Variants in ACOT8 observed in about 807,000 individuals in gnomAD.
ACOT8 encodes the protein acyl-coenzyme A thioesterase 8.
A neutral mutation model predicts 38.4 loss-of-function variants in ACOT8; 31 were observed. That is an observed-to-expected ratio of 0.81 (90% CI 0.61 to 1.09). ACOT8 has a LOEUF of 1.09. ACOT8 is among the 50% of genes least tolerant of loss of function. The probability of loss-of-function intolerance (pLI) is 0.00; values close to 1 mark genes in which losing one functional copy is unlikely to be tolerated. For synonymous variants in ACOT8, 158 were observed against 170.3 expected (o/e 0.93, Z 0.56); for missense variants, 373 against 421.8 (o/e 0.88, Z 1.01).
At chr20:45,846,228 A>G (rs907031795) in intron 3 of ACOT8, among the ~76,000 whole-genome samples, 3 of 152,200 alleles carry the variant, frequency 2.0e-5, no homozygotes, top group Non-Finnish European at 2.9e-5. Context: ...GTCCTTTAAC[A>G]ATGTCTTCCT....
In ACOT8 at chr20:45,857,335, C is replaced by A; in HGVS notation, c.-20G>T. On this transcript the variant is annotated 5_prime_UTR_variant, in exon 1 of 6. Coordinates refer to ENST00000217455, the MANE Select transcript of ACOT8 (RefSeq NM_005469.4). ...CGACATCTAGTTCAATGCTGCAGGC[C>A]CTGCACACCCGCTCCGCGGAAGACG... 1 of 1,583,332 alleles carries A rather than the reference C, an allele frequency of 6.3e-7. No homozygotes were observed. Among genetic ancestry groups the A allele is most frequent in the Non-Finnish European group, 8.6e-7 (1 of 1,165,994 alleles).
intron 2 of ACOT8, chr20:45,853,769 G>A: frequency 2.4e-6 from 1 of 421,444 alleles, no homozygotes; most frequent in South Asian, 2.1e-5. Context: ...GTGACTGGGG[G>A]CCGAGAAGAG....
Position 45,844,358 on chromosome 20 carries a change from G to A in ACOT8, c.551C>T (p.Pro184Leu), listed in dbSNP as rs757329365. 1.9e-6 allele frequency: 3 copies of A among 1,614,120 alleles called. No homozygotes were observed. In the Admixed American group the frequency reaches 5.0e-5, roughly 27 times the overall value. ...TGGGTTTACTGGCTTGATCTCAATG[G>A]GGACCTCCTGAGCAGCAATTCGGTT... ...ALNRIAAQEV[P>L]IEIKPVNPSP... Residue 184 changes from proline (P) to leucine (L), a missense_variant, in exon 4 of 6, where the codon CCC becomes CTC. Coordinates refer to ENST00000217455, the MANE Select transcript of ACOT8 (RefSeq NM_005469.4).
At chr20:45,851,692 T>A (rs1985075132) in intron 2 of ACOT8, among the ~76,000 whole-genome samples, 1 of 152,198 alleles carries the variant, frequency 6.6e-6, no homozygotes, top group South Asian at 2.1e-4. Context: ...TAAAATACAA[T>A]TTTTTTGTAA....
At chr20:45,842,575 C>T in intron 5 of ACOT8, 1 of 994,968 alleles carries the variant, frequency 1.0e-6, no homozygotes, top group Non-Finnish European at 1.2e-6. Flanking sequence ...CATCTGGAGA[C>T]TCTTTCTCCC....
intron 3 of ACOT8, chr20:45,847,638 G>A (rs1984768331): frequency 6.7e-6 from 1 of 150,298 alleles, no homozygotes; most frequent in Admixed American, 6.6e-5. Flanking sequence ...GCTGAGGCGG[G>A]AGGATCACTT....
intron 4 of ACOT8, 68 bp downstream of exon 4, chr20:45,844,195 G>A (rs772433217): frequency 6.2e-7 from 1 of 1,601,402 alleles, no homozygotes; most frequent in Non-Finnish European, 8.6e-7. Flanking sequence ...ATGTGCCCAA[G>A]GCCACACAGC....
chr20:45,843,545 A>G lies in ACOT8; in HGVS notation c.823T>C (p.Cys275Arg). ...FRADHWMLYECESPWAGGSRG... is the reference protein window; with the variant it reads ...FRADHWMLYERESPWAGGSRG... ...CACTCACCGGCCCAGGGGCTCTCGC[A>G]TTCATAGAGCATCCAGTGGTCAGCT... The change falls in exon 5 of 6, where the codon TGC becomes CGC. Residue 275 changes from cysteine (C) to arginine (R), a missense_variant. Coordinates refer to ENST00000217455, the MANE Select transcript of ACOT8 (RefSeq NM_005469.4). 6.2e-7 allele frequency: 1 copy of G among 1,609,806 alleles called. No individual in the cohort carries two copies. Among genetic ancestry groups the G allele is most frequent in the Non-Finnish European group, 8.5e-7 (1 of 1,176,652 alleles).
intron 3 of ACOT8, among the ~76,000 whole-genome samples, chr20:45,844,773 A>G (rs556265949): frequency 2.0e-5 from 3 of 152,122 alleles, no homozygotes; most frequent in Non-Finnish European, 2.9e-5. Context: ...AGCATTGTAC[A>G]TACAATAGTA....
intron 3 of ACOT8, chr20:45,848,087 T>C (rs1013762209): frequency 6.3e-6 from 1 of 158,712 alleles, no homozygotes; most frequent in African/African-American, 2.4e-5. Context: ...GCCTTATTTT[T>C]AAATTAGAGA....
chr20:45,850,225 G>A (rs1984974302), intron 2 of ACOT8, among the ~76,000 whole-genome samples: 1 of 152,090 alleles, frequency 6.6e-6, no homozygotes, highest in Non-Finnish European at 1.5e-5. Flanking sequence ...TCCAGCCTGG[G>A]GAACAAGAGT....
chr20:45,857,321 T>G lies in ACOT8; in HGVS notation c.-6A>C. 1 of 1,598,258 alleles carries G rather than the reference T, an allele frequency of 6.3e-7. No homozygotes were observed. The highest frequency in any genetic ancestry group is 8.5e-7 in the Non-Finnish European group (1 of 1,173,204). ...GGGGCCTGCGGGGACGACATCTAGT[T>G]CAATGCTGCAGGCCCTGCACACCCG... On this transcript the variant is annotated 5_prime_UTR_variant, in exon 1 of 6. Coordinates refer to ENST00000217455, the MANE Select transcript of ACOT8 (RefSeq NM_005469.4).
chr20:45,848,645 A>G lies in ACOT8; in HGVS notation c.293T>C (p.Val98Ala). The G allele has an allele frequency of 6.2e-7, 1 of 1,613,060 alleles. No homozygotes were observed. Among genetic ancestry groups the G allele is most frequent in the Non-Finnish European group, 8.5e-7 (1 of 1,179,820 alleles). ...GCTCGACCCTGTTCGTGTCCGCTCC[A>G]CTTGGTACAGTACTGGCAGCTTCGG... ...GDPKLPVLYQ[V>A]ERTRTGSSFS... The change falls in exon 3 of 6, where the codon GTG (valine) becomes GCG (alanine). Residue 98 changes from valine (V) to alanine (A), a missense_variant. Transcript: ENST00000217455.
At chr20:45,856,430 A>T (rs968259635) in intron 1 of ACOT8, among the ~76,000 whole-genome samples, 1 of 152,202 alleles carries the variant, frequency 6.6e-6, no homozygotes, top group Admixed American at 6.5e-5. Flanking sequence ...TCATGCCTGT[A>T]ATCCTAGCAC....
In ACOT8 at chr20:45,849,625, A is replaced by AT. The variant is rs571610667; in HGVS notation, c.263-951dup. Among the ~76,000 whole-genome samples, 17 of 152,088 alleles carry AT rather than the reference A, an allele frequency of 1.1e-4. No homozygotes were observed. In the South Asian group the frequency reaches 3.5e-3, roughly 32 times the overall value. ...GCCGCTACACCCAACAAATTTTTGT[A>AT]TTTTTTGTAGAGATGGGGTTTCACT... is the stretch of plus-strand genomic sequence containing the variant. On this transcript the variant is annotated intron_variant, in intron 2 of 5. Coordinates refer to ENST00000217455, the MANE Select transcript of ACOT8 (RefSeq NM_005469.4).
In ACOT8 at chr20:45,855,188, T is replaced by C. The variant is rs1346190560; in HGVS notation, c.233A>G (p.His78Arg). The change falls in exon 2 of 6, where the codon CAC becomes CGC. Residue 78 changes from histidine to arginine, a missense_variant. By Grantham distance (29) the His-to-Arg change is conservative. Coordinates refer to ENST00000217455, the MANE Select transcript of ACOT8 (RefSeq NM_005469.4). ...AKSVSEDVHV[H>R]SLHCYFVRAG... is the part of the protein sequence containing the mutation. ...CCGAACAAAGTAGCAGTGCAGGGAG[T>C]GCACGTGGACGTCTTCACTCACAGA... is the stretch of plus-strand genomic sequence containing the variant. The C allele has an allele frequency of 1.2e-6, 2 of 1,613,920 alleles. No individual in the cohort carries two copies. The highest frequency in any genetic ancestry group is 1.7e-6 in the Non-Finnish European group (2 of 1,180,004).
rs758801819 is a variant in ACOT8 at position 45,857,354 on chromosome 20, G to A, written c.-39C>T. Reference sequence around the variant, plus strand: ...GCAGGCCCTGCACACCCGCTCCGCGGAAGACGCGGAGACATACACAGAACC... The same window carrying A: ...GCAGGCCCTGCACACCCGCTCCGCGAAAGACGCGGAGACATACACAGAACC... On this transcript the variant is annotated 5_prime_UTR_variant, in exon 1 of 6. Coordinates refer to ENST00000217455, the MANE Select transcript of ACOT8 (RefSeq NM_005469.4). 15 of 1,561,506 alleles carry A rather than the reference G, an allele frequency of 9.6e-6. No homozygotes were observed. In the Admixed American group the frequency reaches 2.3e-4, roughly 24 times the overall value.
chr20:45,855,276 C>T lies in ACOT8; in HGVS notation c.145G>A (p.Val49Ile). 1 of 1,614,088 alleles carries T rather than the reference C, an allele frequency of 6.2e-7. No homozygotes were observed. Among genetic ancestry groups the T allele is most frequent in the Non-Finnish European group, 8.5e-7 (1 of 1,180,032 alleles). Residue 49 changes from valine (V) to isoleucine (I), a missense_variant, in exon 2 of 6, where the codon GTA becomes ATA. By Grantham distance (29) the Val-to-Ile change is conservative. Coordinates refer to ENST00000217455, the MANE Select transcript of ACOT8 (RefSeq NM_005469.4). ...CCACCAAACAGCCTCTTGGCCGGTACCCAGTAATGCCTTCCTCTGTAGGGA... is the reference window on the plus strand; with the variant it reads ...CCACCAAACAGCCTCTTGGCCGGTATCCAGTAATGCCTTCCTCTGTAGGGA... ...EDLFRGRHYW[V>I]PAKRLFGGQI...
intron 3 of ACOT8, among the ~76,000 whole-genome samples, chr20:45,846,332 TGCTA>T (rs1216085146): frequency 1.3e-5 from 2 of 152,120 alleles, no homozygotes; most frequent in African/African-American, 4.8e-5. Flanking sequence ...ACTGCCATTG[TGCTA>T]GTTAGTACTA....
Sources: gnomAD v4.1 joint callset for allele counts (sites outside exome capture counted in the v4.1 genomes callset) on GRCh38, gnomAD v4.1.1 for gene constraint, MANE v1.5 for transcripts, NCBI Gene and HGNC (gene_info 2026-07-23, HGNC 2026-07-21) for gene names.